ALG5: variants seen among roughly 807,000 people sequenced by gnomAD.
ALG5 encodes the protein ALG5 dolichyl-phosphate beta-glucosyltransferase.
ALG5 carries 26 observed loss-of-function variants against 51.8 expected under a neutral mutation model. That is an observed-to-expected ratio of 0.50 (90% CI 0.37 to 0.70). The LOEUF is 0.70. ALG5 is among the 30% of genes least tolerant of loss of function. ALG5 has a pLI of 0.00. For synonymous variants in ALG5, 141 were observed against 136.1 expected (o/e 1.04, Z -0.25); for missense variants, 311 against 399.3 (o/e 0.78, Z 1.88).
chr13:36,962,278 G>A (rs1183559797), intron 8 of ALG5, among the ~76,000 whole-genome samples: 1 of 152,074 alleles, frequency 6.6e-6, no homozygotes, highest in Non-Finnish European at 1.5e-5. Flanking sequence ...AACTTATATT[G>A]TTCTTTAGTC....
chr13:36,995,136 C>T lies in ALG5; in HGVS notation c.239-101G>A, dbSNP rs943569550. The stretch of plus-strand genomic sequence containing the variant: ...AAAAAAGTCCCAATAATCTAACAAG[C>T]CCCTCTGGTACTTTCCCAATGGTCA... On this transcript the variant is annotated intron_variant, in intron 2 of 9. Transcript: ENST00000239891. The T allele has an allele frequency of 3.0e-6, 3 of 1,012,366 alleles. 1 individual carries two copies. Among genetic ancestry groups the T allele is most frequent in the African/African-American group, 1.6e-5 (1 of 61,828 alleles). 62.7% of individuals were successfully genotyped at this position (1,012,366 alleles called of 1,614,324 possible). A position where few individuals can be genotyped will look rare whatever the true frequency, so the allele number is the denominator to read the frequency against.
intron 6 of ALG5, among the ~76,000 whole-genome samples, chr13:36,978,758 C>G (rs867679485): frequency 2.7e-5 from 4 of 150,098 alleles, no homozygotes; most frequent in Non-Finnish European, 5.9e-5. Flanking sequence ...ACTAAAAATA[C>G]AAAAAAAGTT....
At chr13:36,991,888 C>T (rs893544649) in intron 4 of ALG5, among the ~76,000 whole-genome samples, 5 of 152,200 alleles carry the variant, frequency 3.3e-5, no homozygotes, top group Admixed American at 2.6e-4. Context: ...CCACCTTGGC[C>T]TCCCAAAGTG....
intron 7 of ALG5, among the ~76,000 whole-genome samples, chr13:36,966,039 T>C (rs1428098517): frequency 6.6e-6 from 1 of 152,230 alleles, no homozygotes; most frequent in Non-Finnish European, 1.5e-5. Context: ...GGAGAACGTC[T>C]TGTTTACTTA....
chr13:36,994,219 T>C (rs748337465), intron 3 of ALG5, among the ~76,000 whole-genome samples: 11 of 152,234 alleles, frequency 7.2e-5, no homozygotes, highest in Non-Finnish European at 1.6e-4. Flanking sequence ...TTTCTCTAAA[T>C]TGAATGTTTG....
At chr13:36,954,564 C>T (rs576821786) in intron 8 of ALG5, among the ~76,000 whole-genome samples, 8 of 152,170 alleles carry the variant, frequency 5.3e-5, no homozygotes, top group Non-Finnish European at 8.8e-5. Flanking sequence ...AAATGCAGCT[C>T]ATATCATCAT....
intron 9 of ALG5, among the ~76,000 whole-genome samples, chr13:36,950,972 AT>A (rs2058815613): frequency 6.6e-6 from 1 of 152,202 alleles, no homozygotes; most frequent in South Asian, 2.1e-4. Flanking sequence ...TATCATTTTA[AT>A]TATACTTTAT....
intron 1 of ALG5, among the ~76,000 whole-genome samples, chr13:36,996,285 T>C (rs900875658): frequency 2.6e-5 from 4 of 152,210 alleles, no homozygotes; most frequent in Non-Finnish European, 5.9e-5. Context: ...ATTGGTACAC[T>C]TTCTGCTTTC....
chr13:36,998,595 G>C (rs983473308), intron 1 of ALG5, among the ~76,000 whole-genome samples: 2 of 152,178 alleles, frequency 1.3e-5, no homozygotes, highest in Non-Finnish European at 2.9e-5. Flanking sequence ...AATCGAGTTT[G>C]CATTCTATCG....
chr13:36,968,447 T>C (rs760458783), intron 7 of ALG5, among the ~76,000 whole-genome samples: 10 of 152,246 alleles, frequency 6.6e-5, no homozygotes, highest in Non-Finnish European at 1.2e-4. Context: ...TAACCACTAA[T>C]GGATTCTATT....
intron 8 of ALG5, among the ~76,000 whole-genome samples, chr13:36,961,293 T>C (rs1293419956): frequency 1.3e-5 from 2 of 152,012 alleles, no homozygotes; most frequent in East Asian, 3.9e-4. Context: ...CATGCACCTG[T>C]AGTCCCAGCT....
chr13:36,987,979 G>A (rs966551186), intron 5 of ALG5, among the ~76,000 whole-genome samples: 1 of 152,126 alleles, frequency 6.6e-6, no homozygotes, highest in Non-Finnish European at 1.5e-5. Flanking sequence ...CAGTCAAGAC[G>A]TGGGTACCAT....
chr13:36,991,291 C>T (rs2059024306), intron 4 of ALG5, among the ~76,000 whole-genome samples: 2 of 152,188 alleles, frequency 1.3e-5, no homozygotes, highest in South Asian at 2.1e-4. Context: ...CCCACCTTCC[C>T]CCGGGAAAAA....
intron 6 of ALG5, among the ~76,000 whole-genome samples, chr13:36,976,899 GC>G (rs1374146804): frequency 1.3e-5 from 2 of 152,252 alleles, no homozygotes; most frequent in East Asian, 3.9e-4. Context: ...ATAGCATATG[GC>G]AAATCAGTTT....
intron 7 of ALG5, 83 bp downstream of exon 7, chr13:36,971,894 C>A: frequency 9.5e-7 from 1 of 1,049,280 alleles, no homozygotes; most frequent in Non-Finnish European, 1.4e-6. Context: ...GACATAAAAG[C>A]CAGTTTCTTG....
At chr13:36,982,926 T>C (rs1366549935) in intron 6 of ALG5, among the ~76,000 whole-genome samples, 1 of 152,194 alleles carries the variant, frequency 6.6e-6, no homozygotes, top group Non-Finnish European at 1.5e-5. Context: ...AGGCTACGAA[T>C]TAATAGCTTA....
chr13:36,973,092 C>CAA (rs758201926), intron 6 of ALG5, among the ~76,000 whole-genome samples: 8 of 84,274 alleles, frequency 9.5e-5, no homozygotes, highest in Admixed American at 8.5e-4. Context: ...GACTTTCCAT[C>CAA]AAAAAAAAAA....
In ALG5 at chr13:36,974,719, CA is replaced by C. The variant is rs200369967; in HGVS notation, c.562-2684del. Among the ~76,000 whole-genome samples, 100 of 151,886 alleles carry C rather than the reference CA, an allele frequency of 6.6e-4. 1 individual carries two copies. Among genetic ancestry groups the C allele is most frequent in the East Asian group, 4.4e-3 (23 of 5,174 alleles). On this transcript the variant is annotated intron_variant, in intron 6 of 9. Transcript: ENST00000239891. ...AATCTTGTTCTATGTAAAGCCCCCC[CA>C]CCACCATCCCACCCAACCTGGGATT...
Position 36,949,913 on chromosome 13 carries a change from TAAGAACAC to T in ALG5, c.*21_*28del. On this transcript the variant is annotated 3_prime_UTR_variant, in exon 10 of 10. Transcript: ENST00000239891. ...TGAAATGAAATGTGACACTGAAGCA[TAAGAACAC>T]AACTGAAGACTGCAAACAACCTAAT... The T allele has an allele frequency of 1.4e-6, 2 of 1,430,234 alleles. No individual in the cohort carries two copies. Among genetic ancestry groups the T allele is most frequent in the Non-Finnish European group, 1.9e-6 (2 of 1,038,878 alleles). 88.6% of individuals were successfully genotyped at this position (1,430,234 alleles called of 1,614,324 possible).
Sources: allele counts gnomAD v4.1 joint callset (sites outside exome capture counted in the v4.1 genomes callset), GRCh38; gene constraint gnomAD v4.1.1; transcripts MANE v1.5; gene names NCBI Gene and HGNC (gene_info 2026-07-23, HGNC 2026-07-21).